The following CACNB2 variants were observed in gnomAD, a reference collection of about 807,000 sequenced individuals.
The protein encoded by CACNB2 is voltage-dependent L-type calcium channel subunit beta-2.
In CACNB2, 42 loss-of-function variants were observed where a neutral mutation model predicts 73.3. The ratio of observed to expected loss-of-function variants is 0.57; its 90% CI spans 0.45 to 0.74. CACNB2 has a LOEUF of 0.74. Ranked by LOEUF, CACNB2 falls within the 30% of genes least tolerant of loss-of-function variation. CACNB2 has a pLI of 0.00. For missense variants in CACNB2, 940 were observed against 853.0 expected (o/e 1.10, Z -1.27); for synonymous variants, 348 against 310.3 (o/e 1.12, Z -1.28).
chr10:18,409,322 G>C (rs1257153156), intron 3 of CACNB2, among the ~76,000 whole-genome samples: 2 of 142,954 alleles, frequency 1.4e-5, no homozygotes, highest in African/African-American at 5.1e-5. Context: ...AAAAAAAGTA[G>C]AGACAAAGTC....
At chr10:18,228,815 C>A (rs2036116930) in intron 2 of CACNB2, among the ~76,000 whole-genome samples, 1 of 152,156 alleles carries the variant, frequency 6.6e-6, no homozygotes, top group Non-Finnish European at 1.5e-5. Context: ...TCCCAGCTCG[C>A]TGCAGCCTCT....
rs965574239 is a variant in CACNB2, at chr10:18,430,605, G to A, written c.333+28562G>A. Among the ~76,000 whole-genome samples the A allele has an allele frequency of 1.6e-4, 25 of 152,158 alleles. 1 individual carries two copies. The highest frequency in any genetic ancestry group is 1.6e-3 in the Admixed American group (25 of 15,278). On this transcript the variant is annotated intron_variant, in intron 3 of 13. Transcript: ENST00000324631. ...TGATTGCGCCACTGCACTCCAGCCT[G>A]GGCAACAGAGTGAGACCTTGTCTCA...
chr10:18,280,956 A>G (rs1037831488), intron 2 of CACNB2, among the ~76,000 whole-genome samples: 1 of 152,332 alleles, frequency 6.6e-6, no homozygotes. Context: ...CCTACAAGGT[A>G]GGGGATCACT....
chr10:18,539,423 A>G lies in CACNB2; in HGVS notation c.1682A>G (p.Glu561Gly), dbSNP rs2133335003. 6.2e-7 allele frequency: 1 copy of G among 1,614,086 alleles called. No individual in the cohort carries two copies. Among genetic ancestry groups the G allele is most frequent in the Non-Finnish European group, 8.5e-7 (1 of 1,180,000 alleles). ...GAGACATTTGACTCGGAAACCCAGG[A>G]GAGTCGAGACTCTGCCTACGTAGAG... ...RQETFDSETQ[E>G]SRDSAYVEPK... Residue 561 changes from glutamate to glycine, a missense_variant, in exon 14 of 14, where the codon GAG becomes GGG. Transcript: ENST00000324631.
intron 3 of CACNB2, among the ~76,000 whole-genome samples, chr10:18,455,646 C>G (rs554426495): frequency 3.9e-5 from 6 of 152,326 alleles, no homozygotes; most frequent in Non-Finnish European, 7.3e-5. Context: ...CAACACTTTT[C>G]ACTTGCTTAT....
chr10:18,447,301 A>G (rs1354600416), intron 3 of CACNB2, among the ~76,000 whole-genome samples: 2 of 152,184 alleles, frequency 1.3e-5, no homozygotes, highest in Non-Finnish European at 2.9e-5. Flanking sequence ...AAGCATGGAG[A>G]AAGTTGCATG....
intron 12 of CACNB2, among the ~76,000 whole-genome samples, chr10:18,537,798 A>G (rs1237062872): frequency 6.6e-6 from 1 of 152,142 alleles, no homozygotes; most frequent in Admixed American, 6.5e-5. Context: ...AAGAAAAAAG[A>G]TATCACAATC....
At chr10:18,300,995 T>C (rs1301568829) in intron 2 of CACNB2, among the ~76,000 whole-genome samples, 1 of 151,764 alleles carries the variant, frequency 6.6e-6, no homozygotes. Flanking sequence ...AGAAAATGAG[T>C]GAGGAAAGAA....
chr10:18,310,227 T>C (rs1200146106), intron 2 of CACNB2, among the ~76,000 whole-genome samples: 1 of 152,216 alleles, frequency 6.6e-6, no homozygotes. Flanking sequence ...TAACATCTTT[T>C]ATCCTCTCTA....
chr10:18,260,770 A>C (rs1242687715), intron 2 of CACNB2: 1 of 1,004,986 alleles, frequency 1.0e-6, no homozygotes, highest in Non-Finnish European at 1.2e-6. Flanking sequence ...GAGCAGGAAC[A>C]GCAGCGTGCT....
intron 2 of CACNB2, among the ~76,000 whole-genome samples, chr10:18,301,580 G>A (rs1459120990): frequency 2.0e-5 from 3 of 151,958 alleles, no homozygotes; most frequent in African/African-American, 7.3e-5. Flanking sequence ...GGGTAACAGA[G>A]CGAGATCCTG....
chr10:18,256,378 C>G (rs2037287313), intron 2 of CACNB2, among the ~76,000 whole-genome samples: 1 of 152,168 alleles, frequency 6.6e-6, no homozygotes, highest in South Asian at 2.1e-4. Flanking sequence ...ACTCAACAGT[C>G]TGGAATTTTT....
intron 2 of CACNB2, 76 bp from the exon 3 acceptor site, chr10:18,401,848 T>C: frequency 7.0e-7 from 1 of 1,434,044 alleles, no homozygotes; most frequent in Non-Finnish European, 9.8e-7. Context: ...GGAAGCTAAC[T>C]GCTGTGTCGA....
At chr10:18,438,972 A>G (rs7923191) in intron 3 of CACNB2, among the ~76,000 whole-genome samples, 31,621 of 152,274 alleles carry the variant, frequency 0.21, 3,655 homozygotes, top group East Asian at 0.53. Flanking sequence ...GTAGGCCAGC[A>G]CGTGAATTGG....
At chr10:18,454,633 C>T (rs960804625) in intron 3 of CACNB2, among the ~76,000 whole-genome samples, 2 of 152,314 alleles carry the variant, frequency 1.3e-5, no homozygotes, top group South Asian at 2.1e-4. Flanking sequence ...GCAGTTGGTA[C>T]GTCTGCACAG....
chr10:18,261,546 A>G (rs1362811078), intron 2 of CACNB2, among the ~76,000 whole-genome samples: 1 of 152,124 alleles, frequency 6.6e-6, no homozygotes, highest in Non-Finnish European at 1.5e-5. Flanking sequence ...TGACTTTGAT[A>G]AGGTTGGAAA....
intron 3 of CACNB2, among the ~76,000 whole-genome samples, chr10:18,409,151 T>A (rs2044469401): frequency 6.6e-6 from 1 of 151,984 alleles, no homozygotes; most frequent in South Asian, 2.1e-4. Flanking sequence ...ACAAAAAAAA[T>A]AGCTGGGTGT....
intron 2 of CACNB2, among the ~76,000 whole-genome samples, chr10:18,178,202 T>C (rs1265399040): frequency 6.6e-6 from 1 of 152,200 alleles, no homozygotes; most frequent in Admixed American, 6.5e-5. Flanking sequence ...CCTTAAGTCA[T>C]AAGCCTGTAG....
intron 2 of CACNB2, among the ~76,000 whole-genome samples, chr10:18,314,201 A>G (rs1026700125): frequency 1.3e-5 from 2 of 152,358 alleles, no homozygotes; most frequent in East Asian, 1.9e-4. Context: ...TAGAAAAAAG[A>G]GTTGTTATAA....
Sources: gnomAD v4.1 joint callset for allele counts (sites outside exome capture counted in the v4.1 genomes callset) on GRCh38, gnomAD v4.1.1 for gene constraint, MANE v1.5 for transcripts, NCBI Gene and HGNC (gene_info 2026-07-23, HGNC 2026-07-21) for gene names.